SPC24: variants seen among roughly 807,000 people sequenced by gnomAD.
The protein encoded by SPC24 is SPC24 component of NDC80 kinetochore complex.
In SPC24, 31 loss-of-function variants were observed where a neutral mutation model predicts 27.6. The observed-to-expected ratio is 1.12, with a 90% CI of 0.84 to 1.52. The LOEUF is 1.52. SPC24 is among the 40% of genes most tolerant of loss of function. SPC24 has a pLI of 0.00. For missense variants in SPC24, 284 were observed against 252.5 expected (o/e 1.12, Z -0.84); for synonymous variants, 105 against 105.8 (o/e 0.99, Z 0.05).
At chr19:11,150,152 A>C (rs1429152437) in intron 1 of SPC24, among the ~76,000 whole-genome samples, 1 of 137,008 alleles carries the variant, frequency 7.3e-6, no homozygotes, top group Non-Finnish European at 1.5e-5. Context: ...GTGCCACTGC[A>C]CTCCAGCCTA....
chr19:11,147,740 T>C, intron 4 of SPC24, 78 bp downstream of exon 4: 1 of 1,328,084 alleles, frequency 7.5e-7, no homozygotes. Context: ...GGCTAATTTT[T>C]ACAGGGTCCT....
At chr19:11,153,760 G>GGAA (rs111289308) in intron 1 of SPC24, among the ~76,000 whole-genome samples, 6,752 of 132,166 alleles carry the variant, frequency 0.051, 464 homozygotes, top group African/African-American at 0.16. Context: ...ACTGTCCTGG[G>GGAA]AAAAAAAAAA....
At chr19:11,154,438 C>CTGAGGTGGGAGGATCACT (rs1221487253) in intron 1 of SPC24, among the ~76,000 whole-genome samples, 2 of 152,068 alleles carry the variant, frequency 1.3e-5, no homozygotes, top group African/African-American at 4.8e-5. Context: ...ACTTGGGAGG[C>CTGAGGTGGGAGGATCACT]TGAGGTGGGA....
intron 1 of SPC24, among the ~76,000 whole-genome samples, chr19:11,152,073 A>G (rs1374825862): frequency 6.6e-6 from 1 of 150,870 alleles, no homozygotes; most frequent in Non-Finnish European, 1.5e-5. Flanking sequence ...GGCATGCACC[A>G]CCATGCCTGG....
At chr19:11,149,566 G>A (rs1274424582) in intron 1 of SPC24, among the ~76,000 whole-genome samples, 1 of 151,952 alleles carries the variant, frequency 6.6e-6, no homozygotes, top group Non-Finnish European at 1.5e-5. Flanking sequence ...GCAACATAGG[G>A]AGATCCCATC....
At chr19:11,150,832 T>C (rs2077865048) in intron 1 of SPC24, among the ~76,000 whole-genome samples, 1 of 151,324 alleles carries the variant, frequency 6.6e-6, no homozygotes, top group South Asian at 2.1e-4. Context: ...AGATGGCTAC[T>C]GTTCCTTCCT....
chr19:11,153,822 C>T (rs2077891192), intron 1 of SPC24, among the ~76,000 whole-genome samples: 1 of 151,242 alleles, frequency 6.6e-6, no homozygotes, highest in Non-Finnish European at 1.5e-5. Flanking sequence ...AATCCCAGCA[C>T]TTTGGGAGTC....
In SPC24 at chr19:11,147,860, T is replaced by A; in HGVS notation, c.445A>T (p.Ile149Phe). 1.2e-6 allele frequency: 2 copies of A among 1,609,766 alleles called. No homozygotes were observed. The highest frequency in any genetic ancestry group is 1.7e-6 in the Non-Finnish European group (2 of 1,178,824). ...GGCTCACACTCATAATCCCACTCAA[T>A]TTTACTAACTTGGTGGTAAAGTTGA... is the stretch of plus-strand genomic sequence containing the variant. ...VAQLYHQVSK[I>F]EWDYECEPGM... Residue 149 changes from isoleucine to phenylalanine, a missense_variant, in exon 4 of 5, where the codon ATT (isoleucine) becomes TTT (phenylalanine). Ile to Phe is a conservative substitution (Grantham distance 21). Transcript: ENST00000592540.
Position 11,149,209 on chromosome 19 carries a change from G to A in SPC24, c.190C>T (p.Gln64Ter). 6.5e-7 allele frequency: 1 copy of A among 1,549,618 alleles called. No homozygotes were observed. Among genetic ancestry groups the A allele is most frequent in the Non-Finnish European group, 8.7e-7 (1 of 1,146,220 alleles). ...TGCTCCTTCGCATTGAGAAGGCTCTGGGCCACTTCCTTCTCCATGGTGAGG... is the reference window on the plus strand; with the variant it reads ...TGCTCCTTCGCATTGAGAAGGCTCTAGGCCACTTCCTTCTCCATGGTGAGG... ...EILTMEKEVAQSLLNAKEQVH... is the reference protein window; with the variant it reads ...EILTMEKEVA Residue 64 changes from glutamine to a stop codon, truncating the protein, a stop_gained, in exon 2 of 5, where the codon CAG becomes TAG. Transcript: ENST00000592540. LOFTEE classifies it high-confidence loss of function.
intron 2 of SPC24, 49 bp downstream of exon 2, chr19:11,149,045 C>A: frequency 4.2e-6 from 6 of 1,436,778 alleles, no homozygotes; most frequent in Admixed American, 2.8e-5. Flanking sequence ...CTGCGCCTGG[C>A]CCTATGCGTG....
chr19:11,147,083 A>G lies in SPC24; in HGVS notation c.*100T>C. 1 of 575,274 alleles carries G rather than the reference A, an allele frequency of 1.7e-6. No individual in the cohort carries two copies. Among genetic ancestry groups the G allele is most frequent in the Non-Finnish European group, 2.7e-6 (1 of 367,674 alleles). 35.6% of individuals were successfully genotyped at this position (575,274 alleles called of 1,614,324 possible). A position where few individuals can be genotyped will look rare whatever the true frequency, so the allele number is the denominator to read the frequency against. On this transcript the variant is annotated 3_prime_UTR_variant, in exon 5 of 5. Coordinates refer to ENST00000592540, the MANE Select transcript of SPC24 (RefSeq NM_182513.4). Reference sequence around the variant, plus strand: ...CAACAAGAGTGAAACTCTGTCTCAAAAAAAAAAAAAAAAAGATCTATGTCC... The same window carrying G: ...CAACAAGAGTGAAACTCTGTCTCAAGAAAAAAAAAAAAAAGATCTATGTCC...
At chr19:11,147,502 A>T in intron 4 of SPC24, 2 of 573,464 alleles carry the variant, frequency 3.5e-6, no homozygotes, top group South Asian at 2.0e-5. Flanking sequence ...CTGGGACTAC[A>T]GGCATATGCC....
intron 4 of SPC24, 135 bp from the exon 5 acceptor site, chr19:11,147,424 G>C (rs989431476): frequency 1.6e-6 from 1 of 616,018 alleles, no homozygotes; most frequent in Non-Finnish European, 2.8e-6. Flanking sequence ...ACAGTGGTGC[G>C]ATCTCGGCTC....
intron 1 of SPC24, among the ~76,000 whole-genome samples, chr19:11,153,459 A>T (rs1238910954): frequency 6.6e-6 from 1 of 151,600 alleles, no homozygotes; most frequent in Non-Finnish European, 1.5e-5. Flanking sequence ...AAAAAAATAA[A>T]AAAAAGAAAA....
chr19:11,150,890 G>A (rs1044269783), intron 1 of SPC24, among the ~76,000 whole-genome samples: 4 of 149,306 alleles, frequency 2.7e-5, no homozygotes, highest in Admixed American at 6.7e-5. Context: ...CAGGCCAGGC[G>A]CGGTGGCTCA....
intron 4 of SPC24, 106 bp from the exon 5 acceptor site, chr19:11,147,395 C>CT: frequency 1.4e-6 from 1 of 740,460 alleles, no homozygotes; most frequent in Non-Finnish European, 2.2e-6. Flanking sequence ...AAGTTTCATT[C>CT]TGTAGGCCAG....
chr19:11,147,908 CAAAAAAAAAA>C lies in SPC24; in HGVS notation c.411-24_411-15del, dbSNP rs58845884. On this transcript the variant is annotated splice_polypyrimidine_tract_variant and intron_variant, in intron 3 of 4. Coordinates refer to ENST00000592540, the MANE Select transcript of SPC24 (RefSeq NM_182513.4). ...TGAGCCACGTACCTGTACAGGAAGA[CAAAAAAAAAA>C]AAAAAAAAAAAAGAAAGTTACCCAG... 1.6e-4 allele frequency: 176 copies of C among 1,114,738 alleles called. No individual in the cohort carries two copies. The highest frequency in any genetic ancestry group is 4.4e-4 in the Admixed American group (14 of 31,564). The allele number at this position is 1,114,738 out of a possible 1,614,324, so 69.1% of individuals were successfully genotyped here.
Position 11,146,479 on chromosome 19 carries a change from A to AAAAAAAAAAAAAAAAAAAAAAAAG in SPC24, c.*703_*704insCTTTTTTTTTTTTTTTTTTTTTTT, listed in dbSNP as rs1283117437. ...AAGAAATCCAGTAAAAAAAAAAAAAAAAAAGGCCAGGCGCGGTGACTCACA... is the reference window on the plus strand; with the variant it reads ...AAGAAATCCAGTAAAAAAAAAAAAAAAAAAAAAAAAAAAAAAAAAAAAAGAAAAGGCCAGGCGCGGTGACTCACA... On this transcript the variant is annotated 3_prime_UTR_variant, in exon 5 of 5. Transcript: ENST00000592540. 1 of 144,072 alleles carries AAAAAAAAAAAAAAAAAAAAAAAAG rather than the reference A, an allele frequency of 6.9e-6. No individual in the cohort carries two copies. The highest frequency in any genetic ancestry group is 1.5e-5 in the Non-Finnish European group (1 of 65,640). 8.9% of individuals were successfully genotyped at this position (144,072 alleles called of 1,614,324 possible). A position where few individuals can be genotyped will look rare whatever the true frequency, so the allele number is the denominator to read the frequency against.
chr19:11,153,528 G>A (rs563345693), intron 1 of SPC24, among the ~76,000 whole-genome samples: 24 of 152,192 alleles, frequency 1.6e-4, no homozygotes, highest in African/African-American at 5.1e-4. Context: ...TTGGGAGACC[G>A]AGGCGGGCGG....
Sources: gnomAD v4.1 joint callset for allele counts (sites outside exome capture counted in the v4.1 genomes callset) on GRCh38, gnomAD v4.1.1 for gene constraint, MANE v1.5 for transcripts, NCBI Gene and HGNC (gene_info 2026-07-23, HGNC 2026-07-21) for gene names.